Variants in SMIM35 observed in about 807,000 individuals in gnomAD.
SMIM35 encodes small integral membrane protein 35, also known as TMPRSS4 antisense RNA 1 (non-protein coding).
intron 4 of SMIM35, among the ~76,000 whole-genome samples, chr11:118,012,808 T>A (rs535591996): frequency 4.6e-5 from 7 of 152,298 alleles, no homozygotes; most frequent in African/African-American, 1.2e-4. Context: ...AAACCATGTC[T>A]GGAATCACCT....
At chr11:118,085,129 T>C (rs1456387743) in intron 1 of SMIM35, among the ~76,000 whole-genome samples, 1 of 152,226 alleles carries the variant, frequency 6.6e-6, no homozygotes, top group Admixed American at 6.5e-5. Flanking sequence ...GTCGCTTTTA[T>C]TGTACCCACA....
At chr11:118,020,762 C>G (rs1357587152) in intron 1 of SMIM35, among the ~76,000 whole-genome samples, 1 of 150,326 alleles carries the variant, frequency 6.7e-6, no homozygotes, top group Non-Finnish European at 1.5e-5. Context: ...ATATTGTCCG[C>G]AAATAAAGGC....
intron 1 of SMIM35, among the ~76,000 whole-genome samples, chr11:118,064,645 C>CTAA (rs1944441794): frequency 6.7e-6 from 1 of 149,882 alleles, no homozygotes; most frequent in Non-Finnish European, 1.5e-5. Flanking sequence ...TTTTTCATCA[C>CTAA]TATTATTATT....
intron 4 of SMIM35, among the ~76,000 whole-genome samples, chr11:118,009,579 A>G (rs549334662): frequency 6.6e-6 from 1 of 152,332 alleles, no homozygotes; most frequent in Non-Finnish European, 1.5e-5. Context: ...ATCCTAGACC[A>G]CTAGGGAACT....
At chr11:118,079,332 C>T (rs1756718850) in intron 1 of SMIM35, among the ~76,000 whole-genome samples, 2 of 152,158 alleles carry the variant, frequency 1.3e-5, no homozygotes, top group African/African-American at 2.4e-5. Flanking sequence ...TCCTTCCATC[C>T]CCACAGGCCC....
At chr11:118,030,261 C>T (rs966757974) in intron 1 of SMIM35, among the ~76,000 whole-genome samples, 4 of 152,078 alleles carry the variant, frequency 2.6e-5, no homozygotes, top group Non-Finnish European at 5.9e-5. Flanking sequence ...TTTTGAACCC[C>T]TGACCTCAAG....
At chr11:118,031,125 G>A (rs1225213778) in intron 1 of SMIM35, among the ~76,000 whole-genome samples, 1 of 152,196 alleles carries the variant, frequency 6.6e-6, no homozygotes, top group Non-Finnish European at 1.5e-5. Flanking sequence ...TACAAAAAGA[G>A]AGACACCTAG....
chr11:118,045,330 G>GCGCACACACACA (rs1555073986), intron 1 of SMIM35, among the ~76,000 whole-genome samples: 3 of 146,014 alleles, frequency 2.1e-5, no homozygotes, highest in South Asian at 2.2e-4. Context: ...ATACACACAT[G>GCGCACACACACA]CACACACACA....
chr11:118,077,140 G>C (rs1944720311), intron 1 of SMIM35: 3 of 717,500 alleles, frequency 4.2e-6, no homozygotes, highest in Admixed American at 6.3e-5. Flanking sequence ...TGGGCGTGAG[G>C]GACCAAGGCC....
At chr11:118,012,614 A>T (rs1362065130) in intron 4 of SMIM35, among the ~76,000 whole-genome samples, 1 of 152,208 alleles carries the variant, frequency 6.6e-6, no homozygotes, top group Non-Finnish European at 1.5e-5. Flanking sequence ...TCAGCACTGC[A>T]CATCAAAATT....
chr11:118,065,087 G>A (rs138419366), intron 1 of SMIM35, among the ~76,000 whole-genome samples: 106 of 152,322 alleles, frequency 7.0e-4, no homozygotes, highest in African/African-American at 2.4e-3. Flanking sequence ...GTCCTAAAGC[G>A]TGGCCCTGTA....
chr11:118,020,580 C>G (rs2058220191), intron 1 of SMIM35, among the ~76,000 whole-genome samples: 1 of 151,852 alleles, frequency 6.6e-6, no homozygotes, highest in Non-Finnish European at 1.5e-5. Flanking sequence ...ATAATTTGTC[C>G]CTTAAAGGTT....
intron 1 of SMIM35, among the ~76,000 whole-genome samples, chr11:118,067,727 G>A (rs762637245): frequency 2.6e-5 from 4 of 151,314 alleles, no homozygotes; most frequent in African/African-American, 7.3e-5. Flanking sequence ...AACTTCTCGG[G>A]AGGCTGAGGT....
chr11:118,020,085 G>A (rs2058214565), intron 1 of SMIM35, among the ~76,000 whole-genome samples: 1 of 152,170 alleles, frequency 6.6e-6, no homozygotes, highest in South Asian at 2.1e-4. Context: ...GGTCAACATG[G>A]TGAAACCCCA....
chr11:118,011,153 G>T (rs1163797996), intron 4 of SMIM35, among the ~76,000 whole-genome samples: 1 of 152,170 alleles, frequency 6.6e-6, no homozygotes, highest in Non-Finnish European at 1.5e-5. Flanking sequence ...AGAGGAAGTC[G>T]CCCAGTATCA....
At chr11:118,016,125 C>T (rs1268111605) in intron 1 of SMIM35, among the ~76,000 whole-genome samples, 2 of 152,096 alleles carry the variant, frequency 1.3e-5, no homozygotes, top group African/African-American at 4.8e-5. Context: ...TCGGGGTGAG[C>T]CTGGGAGGTC....
At chr11:118,056,228 C>T (rs1340615482) in intron 1 of SMIM35, among the ~76,000 whole-genome samples, 3 of 152,088 alleles carry the variant, frequency 2.0e-5, no homozygotes, top group African/African-American at 7.2e-5. Flanking sequence ...GTAGCGAGCC[C>T]AGGCTAAGGC....
At chr11:118,016,833 G>C (rs60478015) in intron 1 of SMIM35, among the ~76,000 whole-genome samples, 4,443 of 152,222 alleles carry the variant, frequency 0.029, 202 homozygotes, top group African/African-American at 0.1. Flanking sequence ...TACACTAAAT[G>C]CTCAATAGAT....
intron 1 of SMIM35, among the ~76,000 whole-genome samples, chr11:118,065,266 G>T (rs564144869): frequency 4.6e-5 from 7 of 152,162 alleles, no homozygotes; most frequent in Admixed American, 6.5e-5. Context: ...CAAAGCTTTG[G>T]CCTAGAGCAC....
Sources: gnomAD v4.1 joint callset for allele counts (sites outside exome capture counted in the v4.1 genomes callset) on GRCh38, gnomAD v4.1.1 for gene constraint, MANE v1.5 for transcripts, NCBI Gene and HGNC (gene_info 2026-07-23, HGNC 2026-07-21) for gene names.